The following KATNIP variants were observed in gnomAD, a reference collection of about 807,000 sequenced individuals.
KATNIP encodes katanin-interacting protein.
Under a neutral mutation model 174.0 loss-of-function variants are expected in KATNIP, and 126 were observed. The observed-to-expected ratio is 0.72, with a 90% CI of 0.63 to 0.84. The LOEUF (loss-of-function observed/expected upper bound fraction) is 0.84. Ranked by LOEUF, KATNIP falls within the 40% of genes least tolerant of loss-of-function variation. KATNIP has a pLI of 0.00. For synonymous variants in KATNIP, 810 were observed against 835.7 expected, an observed-to-expected ratio of 0.97 and a Z score of 0.53; for missense variants, 1,958 against 2,109.7, an observed-to-expected ratio of 0.93 and a Z score of 1.41.
Position 27,776,127 on chromosome 16 carries a change from C to A in KATNIP, c.4450-801C>A, listed in dbSNP as rs1231790875. On this transcript the variant is annotated intron_variant, in intron 24 of 27. Coordinates refer to ENST00000261588, the MANE Select transcript of KATNIP (RefSeq NM_015202.5). This position sits in a 1 kb window ranked among gnomAD's most constrained non-coding sequence, Gnocchi z 4.7. ...CCTCACAGGCAACTGAGTTTGGAGA[C>A]CCTCACCCTGACCTTTATTGTTTCC... is the stretch of plus-strand genomic sequence containing the variant. Among the ~76,000 whole-genome samples the A allele has an allele frequency of 6.6e-6, 1 of 152,140 alleles. No homozygotes were observed. Among genetic ancestry groups the A allele is most frequent in the Non-Finnish European group, 1.5e-5 (1 of 68,028 alleles).
Position 27,618,463 on chromosome 16 carries a change from A to G in KATNIP, c.102A>G (p.Lys34=). 2 of 1,613,764 alleles carry G rather than the reference A, an allele frequency of 1.2e-6. No individual in the cohort carries two copies. The highest frequency in any genetic ancestry group is 8.5e-7 in the Non-Finnish European group (1 of 1,179,660). Residue 34 remains lysine, a synonymous_variant, in exon 3 of 28, where the codon AAA becomes AAG. Transcript: ENST00000261588. ...ACATGGTGACAGACTTTGATGAGAA[A>G]CATGATGAGTATTTAATATTGCTTC... ...AKDMVTDFDE[K]HDEYLILLQQ...
chr16:27,626,919 C>T (rs143265156), intron 3 of KATNIP, among the ~76,000 whole-genome samples: 3,299 of 151,284 alleles, frequency 0.022, 138 homozygotes, highest in African/African-American at 0.076. Flanking sequence ...GAGCCGAGAT[C>T]GCACCACTGC....
intron 15 of KATNIP, among the ~76,000 whole-genome samples, chr16:27,749,309 A>G (rs2081402970): frequency 6.6e-6 from 1 of 152,252 alleles, no homozygotes; most frequent in Non-Finnish European, 1.5e-5. Flanking sequence ...TGAATGGCCC[A>G]CAGGACAGTC....
chr16:27,752,648 C>T (rs943353196), intron 17 of KATNIP, among the ~76,000 whole-genome samples: 1 of 152,182 alleles, frequency 6.6e-6, no homozygotes, highest in African/African-American at 2.4e-5. Context: ...ACTCCCGGGG[C>T]TCAAGCAATC....
chr16:27,556,356 C>T (rs1222966821), intron 1 of KATNIP, among the ~76,000 whole-genome samples: 2 of 152,036 alleles, frequency 1.3e-5, no homozygotes, highest in Non-Finnish European at 2.9e-5. Flanking sequence ...TGAAAATGTT[C>T]GCCTTTCTGT....
intron 8 of KATNIP, among the ~76,000 whole-genome samples, chr16:27,696,984 C>T (rs2078936299): frequency 6.6e-6 from 1 of 152,148 alleles, no homozygotes; most frequent in African/African-American, 2.4e-5. Context: ...CCACCTCGAC[C>T]TCCCAAAGCG....
At chr16:27,694,235 A>G (rs2078837457) in intron 8 of KATNIP, among the ~76,000 whole-genome samples, 1 of 152,190 alleles carries the variant, frequency 6.6e-6, no homozygotes, top group Non-Finnish European at 1.5e-5. Context: ...TGATGTTGCT[A>G]CCTGAACATT....
rs777703223 is a variant in KATNIP at position 27,761,538 on chromosome 16, A to G, written c.3757A>G (p.Arg1253Gly). The change falls in exon 19 of 28, where the codon AGA (arginine) becomes GGA (glycine). Residue 1253 changes from arginine to glycine, a missense_variant. Physicochemically the swap from Arg to Gly is moderately radical, Grantham distance 125. Transcript: ENST00000261588. ...CCTGCACCAGATCTCTGCTTCCCCC[A>G]GAGACTTAAATGAGCTCCCCGAGTA... ...IHLHQISASP[R>G]DLNELPEYSD... is the part of the protein sequence containing the mutation. 11 of 1,614,124 alleles carry G rather than the reference A, an allele frequency of 6.8e-6. No homozygotes were observed. Among genetic ancestry groups the G allele is most frequent in the Admixed American group, 3.3e-5 (2 of 60,026 alleles).
At chr16:27,668,838 T>G (rs555598523) in intron 6 of KATNIP, among the ~76,000 whole-genome samples, 1 of 152,162 alleles carries the variant, frequency 6.6e-6, no homozygotes, top group African/African-American at 2.4e-5. Flanking sequence ...AGATCTCATC[T>G]CTACAAAAAA....
chr16:27,559,694 A>T (rs541696311), intron 1 of KATNIP, among the ~76,000 whole-genome samples: 1 of 149,398 alleles, frequency 6.7e-6, no homozygotes, highest in African/African-American at 2.5e-5. Flanking sequence ...AAAAAAAAAA[A>T]AATAGTAAGG....
In KATNIP at chr16:27,769,876, G is replaced by A. The variant is rs752472912; in HGVS notation, c.3991G>A (p.Val1331Ile). ...DTYRGAKIVH[V>I]SLDGLCVSPP... ...TGTTTGCCAGGCCAAGATTGTCCACGTCTCCCTGGATGGCCTGTGCGTCTC... is the reference window on the plus strand; with the variant it reads ...TGTTTGCCAGGCCAAGATTGTCCACATCTCCCTGGATGGCCTGTGCGTCTC... The change falls in exon 21 of 28, where the codon GTC (valine) becomes ATC (isoleucine). Residue 1331 changes from valine (V) to isoleucine (I), a missense_variant. Val to Ile is a conservative substitution (Grantham distance 29). This residue lies in a region of KATNIP where 383 missense variants were observed against 456.0 expected (regional missense o/e 0.84). Coordinates refer to ENST00000261588, the MANE Select transcript of KATNIP (RefSeq NM_015202.5). The A allele has an allele frequency of 1.9e-5, 30 of 1,613,892 alleles. No individual in the cohort carries two copies. Among genetic ancestry groups the A allele is most frequent in the African/African-American group, 5.3e-5 (4 of 74,930 alleles).
At chr16:27,586,874 A>G (rs2090921767) in intron 2 of KATNIP, among the ~76,000 whole-genome samples, 2 of 151,264 alleles carry the variant, frequency 1.3e-5, no homozygotes, top group South Asian at 2.1e-4. Context: ...TGAAATAAGT[A>G]TAAGGAAGTT....
At chr16:27,680,799 A>G (rs563284041) in intron 7 of KATNIP, among the ~76,000 whole-genome samples, 1 of 152,290 alleles carries the variant, frequency 6.6e-6, no homozygotes, top group African/African-American at 2.4e-5. Context: ...GGTTCAAGCA[A>G]TTCTCATGCC....
intron 23 of KATNIP, among the ~76,000 whole-genome samples, chr16:27,773,895 G>C (rs745460800): frequency 6.6e-6 from 1 of 152,108 alleles, no homozygotes; most frequent in African/African-American, 2.4e-5. Context: ...GGCTCACTCT[G>C]TGCTACCTCA....
At chr16:27,582,587 A>G (rs2090740417) in intron 2 of KATNIP, among the ~76,000 whole-genome samples, 1 of 152,234 alleles carries the variant, frequency 6.6e-6, no homozygotes, top group South Asian at 2.1e-4. Flanking sequence ...GACACAGGGC[A>G]GGATTAGAAG....
At chr16:27,641,470 GC>G (rs2076796413) in intron 5 of KATNIP, among the ~76,000 whole-genome samples, 1 of 152,128 alleles carries the variant, frequency 6.6e-6, no homozygotes, top group South Asian at 2.1e-4. Context: ...GATTGGCTAG[GC>G]CTGGGTCACG....
intron 4 of KATNIP, among the ~76,000 whole-genome samples, chr16:27,629,136 C>A (rs573987472): frequency 1.9e-4 from 29 of 149,830 alleles, no homozygotes; most frequent in Non-Finnish European, 3.7e-4. Context: ...CCACTGCACT[C>A]CAGCATGGGT....
rs2081426395 is a variant in KATNIP, at chr16:27,749,739, C to G, written c.2779C>G (p.Leu927Val). The change falls in exon 16 of 28, where the codon CTC becomes GTC. Residue 927 changes from leucine (L) to valine (V), a missense_variant. Coordinates refer to ENST00000261588, the MANE Select transcript of KATNIP (RefSeq NM_015202.5). Reference protein sequence around the residue: ...TELPGDILDELLQQKSSRHSD... With the variant: ...TELPGDILDEVLQQKSSRHSD... ...GCTCCCGGGGGACATCCTGGATGAG[C>G]TCCTGCAGCAAAAGAGCAGCCGGCA... 2 of 1,612,664 alleles carry G rather than the reference C, an allele frequency of 1.2e-6. No homozygotes were observed. Among genetic ancestry groups the G allele is most frequent in the South Asian group, 1.1e-5 (1 of 90,816 alleles).
intron 6 of KATNIP, among the ~76,000 whole-genome samples, chr16:27,667,208 C>G (rs2077717238): frequency 6.6e-6 from 1 of 151,776 alleles, no homozygotes; most frequent in South Asian, 2.1e-4. Flanking sequence ...GTAGTCCCAG[C>G]TAACCAAAAA....
Sources: allele counts gnomAD v4.1 joint callset (sites outside exome capture counted in the v4.1 genomes callset), GRCh38; gene constraint gnomAD v4.1.1; regional missense constraint gnomAD v4.1.1; non-coding constraint Gnocchi (gnomAD v3.1); transcripts MANE v1.5; gene names NCBI Gene and HGNC (gene_info 2026-07-23, HGNC 2026-07-21).